BLTP1: variants seen among roughly 807,000 people sequenced by gnomAD.
BLTP1 encodes bridge-like lipid transfer protein family member 1.
chr4:122,254,935 A>T, the BLTP1 span: 1 of 1,610,132 alleles, frequency 6.2e-7, no homozygotes, highest in Non-Finnish European at 8.5e-7. Flanking sequence ...TATGGGATGC[A>T]TAATGACAGA....
the BLTP1 span, chr4:122,272,446 TA>T: frequency 1.4e-6 from 2 of 1,477,634 alleles, no homozygotes; most frequent in Non-Finnish European, 1.9e-6. Context: ...GTATACATAA[TA>T]ATTAGTGCTA....
the BLTP1 span, chr4:122,298,027 A>T: frequency 3.0e-6 from 1 of 335,330 alleles, no homozygotes; most frequent in Non-Finnish European, 4.2e-6. Flanking sequence ...TATGTAACAA[A>T]TGTGCATATC....
chr4:122,187,030 A>G, the BLTP1 span: 8 of 985,186 alleles, frequency 8.1e-6, no homozygotes, highest in African/African-American at 1.4e-4. Context: ...TTAAAACAGT[A>G]GACAAACATC....
At chr4:122,235,534 G>A in the BLTP1 span, 3 of 952,998 alleles carry the variant, frequency 3.1e-6, no homozygotes, top group African/African-American at 3.5e-5. Context: ...GGCCGGGCGT[G>A]GTGGCTCACA....
the BLTP1 span, chr4:122,194,802 G>T: frequency 5.4e-6 from 3 of 556,224 alleles, no homozygotes; most frequent in Admixed American, 1.9e-4. Context: ...TGACAGTGAA[G>T]ATAGAAATTT....
chr4:122,359,725 A>AACC, the BLTP1 span: 5 of 1,605,148 alleles, frequency 3.1e-6, no homozygotes, highest in Non-Finnish European at 4.3e-6. Context: ...ACTCTTAGGT[A>AACC]AGTAATGAGT....
At chr4:122,334,170 T>C in the BLTP1 span, 1 of 236,768 alleles carries the variant, frequency 4.2e-6, no homozygotes, top group Non-Finnish European at 6.9e-6. Context: ...AAATGACCTT[T>C]TTATTTTAAA....
At chr4:122,272,230 T>A in the BLTP1 span, 1 of 1,613,358 alleles carries the variant, frequency 6.2e-7, no homozygotes, top group Middle Eastern at 1.6e-4. Context: ...GCAGTTTGAC[T>A]AAGACTCAGA....
the BLTP1 span, chr4:122,287,512 G>A: frequency 3.2e-6 from 3 of 935,318 alleles, no homozygotes; most frequent in Admixed American, 1.8e-4. Context: ...ACGCCTTAGT[G>A]GTCTGCCTTC....
the BLTP1 span, chr4:122,237,246 T>G: frequency 1.0e-6 from 1 of 979,342 alleles, no homozygotes; most frequent in Non-Finnish European, 1.2e-6. Flanking sequence ...GCAAGAGTTA[T>G]TTTTTTTGGA....
At chr4:122,346,407 A>C in the BLTP1 span, 3 of 949,352 alleles carry the variant, frequency 3.2e-6, no homozygotes, top group Non-Finnish European at 3.8e-6. Flanking sequence ...TGATAAAGTG[A>C]TAATAGAATT....
the BLTP1 span, chr4:122,258,825 C>G: frequency 6.2e-7 from 1 of 1,610,096 alleles, no homozygotes; most frequent in Non-Finnish European, 8.5e-7. Flanking sequence ...CCCATAGTGA[C>G]TCTGCATTAA....
At chr4:122,187,874 T>C in the BLTP1 span, 1 of 1,561,306 alleles carries the variant, frequency 6.4e-7, no homozygotes, top group Non-Finnish European at 8.6e-7. Flanking sequence ...ATCTCTTATC[T>C]GTTTATTTTT....
At chr4:122,344,188 T>A in the BLTP1 span, 2 of 386,782 alleles carry the variant, frequency 5.2e-6, no homozygotes, top group East Asian at 3.2e-4. Context: ...CCAATTATGT[T>A]TGTGGGTTTG....
chr4:122,334,296 C>T, the BLTP1 span: 1 of 1,340,466 alleles, frequency 7.5e-7, no homozygotes, highest in Non-Finnish European at 1.0e-6. Context: ...TCTTGATTTT[C>T]CTCATCTTCA....
At chr4:122,246,052 GA>G in the BLTP1 span, 1 of 1,295,658 alleles carries the variant, frequency 7.7e-7, no homozygotes, top group Non-Finnish European at 1.0e-6. Flanking sequence ...CTGGCACATA[GA>G]TAGGCATAGA....
chr4:122,276,844 T>G, the BLTP1 span: 1 of 979,756 alleles, frequency 1.0e-6, no homozygotes, highest in Non-Finnish European at 1.2e-6. Flanking sequence ...TTTTACTGTT[T>G]ATAAACAATC....
chr4:122,313,210 C>A, the BLTP1 span, among the ~76,000 whole-genome samples: 2 of 152,042 alleles, frequency 1.3e-5, no homozygotes, highest in Non-Finnish European at 2.9e-5. Context: ...AATGTGGCAG[C>A]TCTTAGTTAC....
At chr4:122,289,890 G>T in the BLTP1 span, 1 of 637,028 alleles carries the variant, frequency 1.6e-6, no homozygotes, top group Non-Finnish European at 2.0e-6. Flanking sequence ...ACAAGAACAG[G>T]GTGCTATGAG....
Sources: gnomAD v4.1 joint callset for allele counts (sites outside exome capture counted in the v4.1 genomes callset) on GRCh38, gnomAD v4.1.1 for gene constraint, MANE v1.5 for transcripts, NCBI Gene and HGNC (gene_info 2026-07-23, HGNC 2026-07-21) for gene names.